Variants in ANKS1B observed in about 807,000 individuals in gnomAD.
The protein encoded by ANKS1B is ankyrin repeat and sterile alpha motif domain containing 1B, also known as ankyrin repeat and sterile alpha motif domain-containing protein 1B.
A neutral mutation model predicts 148.3 loss-of-function variants in ANKS1B; 36 were observed. That is an observed-to-expected ratio of 0.24 (90% CI 0.19 to 0.32). ANKS1B has a LOEUF of 0.32. Among genes scored for constraint, ANKS1B ranks in the 10% least tolerant of loss-of-function variants. ANKS1B has a pLI of 1.00. For synonymous variants in ANKS1B, 542 were observed against 560.8 expected (o/e 0.97, Z 0.47); for missense variants, 1,157 against 1,542.6 (o/e 0.75, Z 4.19).
intron 17 of ANKS1B, chr12:98,894,593 G>C: frequency 1.0e-6 from 1 of 985,368 alleles, no homozygotes; most frequent in Non-Finnish European, 1.2e-6. Flanking sequence ...GGCGAGCGGG[G>C]GCCGCGGAGC....
chr12:99,480,732 A>G (rs1411567590), intron 10 of ANKS1B, among the ~76,000 whole-genome samples: 2 of 151,810 alleles, frequency 1.3e-5, no homozygotes, highest in Non-Finnish European at 2.9e-5. Flanking sequence ...TATTCAATGA[A>G]CAGTTGTTTG....
intron 17 of ANKS1B, among the ~76,000 whole-genome samples, chr12:99,029,327 T>A (rs1227213170): frequency 6.6e-6 from 1 of 152,200 alleles, no homozygotes. Flanking sequence ...GGTAAATATC[T>A]AATGAAACCA....
intron 10 of ANKS1B, among the ~76,000 whole-genome samples, chr12:99,460,307 C>T (rs1482361164): frequency 6.6e-6 from 1 of 151,992 alleles, no homozygotes. Context: ...GAAACCATAA[C>T]AATTCTAGGA....
chr12:99,026,436 G>T (rs1488385802), intron 17 of ANKS1B, among the ~76,000 whole-genome samples: 1 of 152,034 alleles, frequency 6.6e-6, no homozygotes, highest in Non-Finnish European at 1.5e-5. Flanking sequence ...AGGGACAGAC[G>T]ACCTTATCTC....
At chr12:99,406,060 A>G (rs1038650855) in intron 11 of ANKS1B, among the ~76,000 whole-genome samples, 1 of 145,708 alleles carries the variant, frequency 6.9e-6, no homozygotes, top group East Asian at 1.9e-4. Flanking sequence ...ATAAACCCCA[A>G]TACAATAGTA....
intron 9 of ANKS1B, among the ~76,000 whole-genome samples, chr12:99,558,717 G>A (rs992254756): frequency 1.3e-5 from 2 of 152,136 alleles, no homozygotes; most frequent in African/African-American, 4.8e-5. Flanking sequence ...CAGACAGAGG[G>A]GCACTCAGAT....
intron 7 of ANKS1B, among the ~76,000 whole-genome samples, chr12:99,773,837 T>C (rs889291817): frequency 6.6e-6 from 1 of 152,138 alleles, no homozygotes; most frequent in Non-Finnish European, 1.5e-5. Flanking sequence ...TCTGTTTTCA[T>C]GCCTGTACCA....
chr12:98,766,325 C>T (rs1168282320), intron 25 of ANKS1B, among the ~76,000 whole-genome samples: 1 of 152,144 alleles, frequency 6.6e-6, no homozygotes. Context: ...GCGATGCTGT[C>T]TTTTTTATTC....
chr12:98,774,215 G>T (rs1314672196), intron 24 of ANKS1B, among the ~76,000 whole-genome samples: 1 of 152,208 alleles, frequency 6.6e-6, no homozygotes, highest in Non-Finnish European at 1.5e-5. Context: ...GGTACTCAAA[G>T]AATTTAAGTG....
intron 10 of ANKS1B, among the ~76,000 whole-genome samples, chr12:99,472,381 C>T (rs11109857): frequency 0.58 from 88,524 of 151,906 alleles, 27,038 homozygotes; most frequent in African/African-American, 0.77. Context: ...CCCTACAGAG[C>T]GTGAGCTCCT....
intron 12 of ANKS1B, among the ~76,000 whole-genome samples, chr12:99,392,213 G>A (rs1230558963): frequency 6.6e-6 from 1 of 152,240 alleles, no homozygotes; most frequent in Admixed American, 6.5e-5. Context: ...AGTGGCTGCT[G>A]TAATAATGAT....
intron 1 of ANKS1B, among the ~76,000 whole-genome samples, chr12:99,922,821 A>G (rs2094392244): frequency 6.6e-6 from 1 of 152,096 alleles, no homozygotes; most frequent in African/African-American, 2.4e-5. Flanking sequence ...GGTTACTCAT[A>G]AAAAGAATAA....
intron 12 of ANKS1B, among the ~76,000 whole-genome samples, chr12:99,324,484 C>T (rs565285870): frequency 6.6e-6 from 1 of 152,248 alleles, no homozygotes; most frequent in South Asian, 2.1e-4. Flanking sequence ...GGAGCACACT[C>T]TTCTCAGTTC....
intron 1 of ANKS1B, among the ~76,000 whole-genome samples, chr12:99,954,475 T>C (rs956467000): frequency 3.3e-5 from 5 of 152,192 alleles, no homozygotes; most frequent in Non-Finnish European, 5.9e-5. Flanking sequence ...CATTTGCAAA[T>C]ACAAAGGCTG....
intron 15 of ANKS1B, among the ~76,000 whole-genome samples, chr12:99,137,311 G>A (rs11614229): frequency 0.27 from 41,226 of 152,050 alleles, 5,889 homozygotes; most frequent in African/African-American, 0.34. Context: ...CTGGACGCTA[G>A]GCCTTGTCAG....
chr12:99,003,194 G>C (rs1293244066), intron 17 of ANKS1B, among the ~76,000 whole-genome samples: 1 of 152,144 alleles, frequency 6.6e-6, no homozygotes, highest in Non-Finnish European at 1.5e-5. Context: ...TTGGTCTATA[G>C]TCTGTCTTTA....
Position 99,400,831 on chromosome 12 carries a change from C to A in ANKS1B, c.1576-1020G>T, listed in dbSNP as rs2152586330. Among the ~76,000 whole-genome samples, 3 of 144,628 alleles carry A rather than the reference C, an allele frequency of 2.1e-5. No homozygotes were observed. The South Asian group carries it at 6.3e-4, about 31-fold the overall frequency. 94.9% of individuals were successfully genotyped at this position (144,628 alleles called of 152,430 possible). On this transcript the variant is annotated intron_variant, in intron 11 of 26. Transcript: ENST00000683438. ...TTTTGGTTTACTAATGTTTTTATTACCCTTAAATATGTGTTAATCCCTGTA... is the reference window on the plus strand; with the variant it reads ...TTTTGGTTTACTAATGTTTTTATTAACCTTAAATATGTGTTAATCCCTGTA...
chr12:99,394,782 C>T (rs1384426990), intron 12 of ANKS1B, among the ~76,000 whole-genome samples: 3 of 152,108 alleles, frequency 2.0e-5, no homozygotes, highest in East Asian at 1.9e-4. Context: ...CCTCTACACA[C>T]GCTGCATATC....
intron 15 of ANKS1B, among the ~76,000 whole-genome samples, chr12:99,144,890 GC>G (rs1402533019): frequency 6.6e-6 from 1 of 152,146 alleles, no homozygotes; most frequent in East Asian, 1.9e-4. Flanking sequence ...AACCCTGCTG[GC>G]ACTTTGGTCT....
Sources: gnomAD v4.1 joint callset for allele counts (sites outside exome capture counted in the v4.1 genomes callset) on GRCh38, gnomAD v4.1.1 for gene constraint, MANE v1.5 for transcripts, NCBI Gene and HGNC (gene_info 2026-07-23, HGNC 2026-07-21) for gene names.